The following UGGT2 variants were observed in gnomAD, a reference collection of about 807,000 sequenced individuals.
UGGT2 encodes UDP-glucose:glycoprotein glucosyltransferase 2.
A neutral mutation model predicts 192.1 loss-of-function variants in UGGT2; 180 were observed. The ratio of observed to expected loss-of-function variants is 0.94; its 90% CI spans 0.83 to 1.06. UGGT2 has a LOEUF of 1.06. Among genes scored for constraint, UGGT2 ranks in the 50% least tolerant of loss-of-function variants. The pLI is 0.00. For missense variants in UGGT2, 1,849 were observed against 1,795.7 expected, an observed-to-expected ratio of 1.03 and a Z score of -0.54; for synonymous variants, 580 against 591.0, an observed-to-expected ratio of 0.98 and a Z score of 0.27.
intron 38 of UGGT2, among the ~76,000 whole-genome samples, chr13:95,814,582 A>T (rs1241832750): frequency 1.3e-5 from 2 of 152,168 alleles, no homozygotes; most frequent in African/African-American, 4.8e-5. Flanking sequence ...AGGCGAAGGG[A>T]TTTGCCTCAG....
chr13:95,836,206 G>A (rs571656333), intron 37 of UGGT2, among the ~76,000 whole-genome samples: 10 of 152,134 alleles, frequency 6.6e-5, no homozygotes, highest in South Asian at 2.1e-4. Flanking sequence ...GTGCCACCAC[G>A]CCCAGCTAAT....
chr13:95,833,714 C>A (rs767437073), intron 37 of UGGT2, among the ~76,000 whole-genome samples: 2 of 152,068 alleles, frequency 1.3e-5, no homozygotes, highest in Non-Finnish European at 2.9e-5. Flanking sequence ...ATATATTGGA[C>A]GTGAGCTGTA....
At chr13:95,817,264 T>C (rs1884999320) in intron 38 of UGGT2, among the ~76,000 whole-genome samples, 1 of 152,048 alleles carries the variant, frequency 6.6e-6, no homozygotes, top group Non-Finnish European at 1.5e-5. Flanking sequence ...GGGTAACAAC[T>C]CAAAAGTTAG....
intron 12 of UGGT2, among the ~76,000 whole-genome samples, chr13:95,956,424 G>A (rs1359583470): frequency 1.3e-5 from 2 of 152,068 alleles, no homozygotes; most frequent in Non-Finnish European, 1.5e-5. Context: ...ATCTGATAAG[G>A]AATTAATATC....
chr13:95,871,926 C>T (rs972156009), intron 29 of UGGT2, among the ~76,000 whole-genome samples: 4 of 151,978 alleles, frequency 2.6e-5, no homozygotes, highest in East Asian at 3.9e-4. Flanking sequence ...CGAGTACCTG[C>T]GGAGAAAGAA....
At chr13:95,891,492 A>C (rs1454575937) in intron 24 of UGGT2, among the ~76,000 whole-genome samples, 5 of 152,058 alleles carry the variant, frequency 3.3e-5, no homozygotes, top group Non-Finnish European at 7.4e-5. Context: ...ATCCGTTTTT[A>C]TCTTTCACCG....
intron 36 of UGGT2, among the ~76,000 whole-genome samples, chr13:95,838,098 T>G (rs1351735007): frequency 6.6e-6 from 1 of 152,138 alleles, no homozygotes; most frequent in Non-Finnish European, 1.5e-5. Flanking sequence ...GATAAGCAAT[T>G]TTAGCAATGT....
At chr13:95,952,709 C>T (rs1055639077) in intron 12 of UGGT2, among the ~76,000 whole-genome samples, 3 of 151,976 alleles carry the variant, frequency 2.0e-5, no homozygotes, top group African/African-American at 7.3e-5. Flanking sequence ...TGGGTTTTTT[C>T]CCTTCTATGA....
intron 10 of UGGT2, among the ~76,000 whole-genome samples, chr13:95,977,939 G>A (rs1364683993): frequency 3.9e-5 from 6 of 152,048 alleles, no homozygotes; most frequent in Non-Finnish European, 8.8e-5. Flanking sequence ...AACTAACATA[G>A]GAACAGAAAG....
At chr13:95,841,621 C>T (rs910419383) in intron 36 of UGGT2, among the ~76,000 whole-genome samples, 4 of 152,148 alleles carry the variant, frequency 2.6e-5, no homozygotes, top group Non-Finnish European at 5.9e-5. Flanking sequence ...ACATGATTTG[C>T]AAATATTTTG....
At chr13:95,885,268 T>A (rs1343220653) in intron 26 of UGGT2, among the ~76,000 whole-genome samples, 1 of 152,232 alleles carries the variant, frequency 6.6e-6, no homozygotes, top group Non-Finnish European at 1.5e-5. Context: ...TCAAGGCTAG[T>A]GGCTTTTACT....
intron 14 of UGGT2, 143 bp from the exon 15 acceptor site, chr13:95,947,315 A>C: frequency 1.1e-6 from 1 of 872,450 alleles, no homozygotes; most frequent in Non-Finnish European, 1.7e-6. Context: ...TATCACTTCA[A>C]AAGTTTGAAT....
intron 22 of UGGT2, among the ~76,000 whole-genome samples, chr13:95,896,477 T>A (rs1030503159): frequency 6.6e-6 from 1 of 152,292 alleles, no homozygotes; most frequent in Admixed American, 6.5e-5. Flanking sequence ...GCACATTCAA[T>A]GTTACATTTC....
intron 1 of UGGT2, among the ~76,000 whole-genome samples, chr13:96,046,764 C>T (rs2053323669): frequency 6.6e-6 from 1 of 152,226 alleles, no homozygotes; most frequent in Non-Finnish European, 1.5e-5. Context: ...CGGGTCACTC[C>T]TACCCTAATA....
intron 10 of UGGT2, among the ~76,000 whole-genome samples, chr13:95,979,639 C>A (rs1265573993): frequency 6.8e-6 from 1 of 147,740 alleles, no homozygotes; most frequent in Non-Finnish European, 1.5e-5. Flanking sequence ...CTGTATTCTT[C>A]TTATTATGAG....
chr13:96,031,836 A>T (rs1021313455), intron 2 of UGGT2, 53 bp downstream of exon 2: 20 of 1,333,360 alleles, frequency 1.5e-5, no homozygotes, highest in Non-Finnish European at 2.1e-5. Flanking sequence ...TAAACATTAC[A>T]ATGTGTGTAC....
chr13:96,028,552 T>C (rs1327163717), intron 2 of UGGT2, among the ~76,000 whole-genome samples: 1 of 152,334 alleles, frequency 6.6e-6, no homozygotes, highest in East Asian at 1.9e-4. Flanking sequence ...CATCAATAAA[T>C]ATGTAAGTCT....
At chr13:95,972,529 T>G (rs781226311) in intron 11 of UGGT2, 51 bp downstream of exon 11, 3 of 1,414,082 alleles carry the variant, frequency 2.1e-6, no homozygotes, top group Non-Finnish European at 3.0e-6. Flanking sequence ...CAAGACAATG[T>G]TTATTTTTAT....
rs771061301 is a variant in UGGT2 at position 95,877,295 on chromosome 13, T to C, written c.3457A>G (p.Ile1153Val). Residue 1153 changes from isoleucine to valine, a missense_variant, in exon 29 of 39, where the codon ATT (isoleucine) becomes GTT (valine). Transcript: ENST00000376747. ...ATAACTCACCCAACTATTTGATAAA[T>C]ATCTTCAGATTTTCCTTGGTGTAAC... The part of the protein sequence containing the change: ...LRLHQGKSED[I>V]YQIVGHEGTD... The C allele has an allele frequency of 5.6e-6, 9 of 1,598,702 alleles. No homozygotes were observed. The African/African-American group carries it at 8.1e-5, about 14-fold the overall frequency.
Sources: allele counts gnomAD v4.1 joint callset (sites outside exome capture counted in the v4.1 genomes callset), GRCh38; gene constraint gnomAD v4.1.1; transcripts MANE v1.5; gene names NCBI Gene and HGNC (gene_info 2026-07-23, HGNC 2026-07-21).